The following OR9Q1 variants were observed in gnomAD, a reference collection of about 807,000 sequenced individuals.
OR9Q1 encodes the protein olfactory receptor family 9 subfamily Q member 1.
For missense variants in OR9Q1, 374 were observed against 378.8 expected, an observed-to-expected ratio of 0.99 and a Z score of 0.11; for synonymous variants, 153 against 148.6, an observed-to-expected ratio of 1.03 and a Z score of -0.22.
intron 2 of OR9Q1, among the ~76,000 whole-genome samples, chr11:58,111,118 A>G (rs1853895339): frequency 6.6e-6 from 1 of 152,168 alleles, no homozygotes; most frequent in African/African-American, 2.4e-5. Flanking sequence ...CTAATAATTA[A>G]CAACTCCACT....
At chr11:58,148,855 G>A (rs1854323954) in intron 2 of OR9Q1, among the ~76,000 whole-genome samples, 1 of 152,194 alleles carries the variant, frequency 6.6e-6, no homozygotes, top group Non-Finnish European at 1.5e-5. Context: ...CTTCCCTGTA[G>A]CGGATCTGCG....
chr11:58,127,197 G>A (rs1432762422), intron 2 of OR9Q1, among the ~76,000 whole-genome samples: 1 of 152,100 alleles, frequency 6.6e-6, no homozygotes, highest in Non-Finnish European at 1.5e-5. Context: ...TGATCTGCCC[G>A]CCTCGGCCTC....
intron 1 of OR9Q1, chr11:58,031,614 C>T: frequency 6.2e-7 from 1 of 1,612,568 alleles, no homozygotes; most frequent in Non-Finnish European, 8.5e-7. Flanking sequence ...ATTGCTGTGT[C>T]CTATGGCAAC....
intron 1 of OR9Q1, among the ~76,000 whole-genome samples, chr11:58,055,092 A>G (rs1033098723): frequency 1.3e-5 from 2 of 152,200 alleles, no homozygotes; most frequent in African/African-American, 2.4e-5. Flanking sequence ...TCCTGGTGAC[A>G]TTCCTCACTC....
At chr11:58,115,519 AAT>A (rs1262682385) in intron 2 of OR9Q1, among the ~76,000 whole-genome samples, 1 of 152,216 alleles carries the variant, frequency 6.6e-6, no homozygotes, top group African/African-American at 2.4e-5. Flanking sequence ...GTCAATTAAA[AAT>A]AAAGAAAAGG....
chr11:58,178,078 A>G (rs1854622310), intron 2 of OR9Q1, among the ~76,000 whole-genome samples: 2 of 152,200 alleles, frequency 1.3e-5, no homozygotes, highest in African/African-American at 4.8e-5. Flanking sequence ...GAGAAGCGTG[A>G]GAGGGTGAAG....
In OR9Q1 at chr11:58,180,180, G is replaced by A. The variant is rs752619400; in HGVS notation, c.736G>A (p.Ala246Thr). 2 of 1,613,850 alleles carry A rather than the reference G, an allele frequency of 1.2e-6. No homozygotes were observed. Among genetic ancestry groups the A allele is most frequent in the Admixed American group, 1.7e-5 (1 of 59,990 alleles). ...TFSTCTSHLT[A>T]VSLFFGTLIF... is the part of the protein sequence containing the mutation. The stretch of plus-strand genomic sequence containing the variant: ...CTCCACCTGCACCTCCCACCTCACT[G>A]CTGTGTCACTCTTCTTTGGTACCCT... The change falls in exon 3 of 3, where the codon GCT becomes ACT. Residue 246 changes from alanine to threonine, a missense_variant. Ala to Thr is a moderately conservative substitution (Grantham distance 58). Coordinates refer to ENST00000335397, the MANE Select transcript of OR9Q1 (RefSeq NM_001005212.4).
intron 2 of OR9Q1, among the ~76,000 whole-genome samples, chr11:58,168,666 A>G (rs1854527934): frequency 6.6e-6 from 1 of 150,712 alleles, no homozygotes; most frequent in Admixed American, 6.6e-5. Flanking sequence ...GCAAGAATCC[A>G]CCTCCTGGTT....
chr11:58,152,268 T>G (rs1184548299), intron 2 of OR9Q1, among the ~76,000 whole-genome samples: 1 of 152,212 alleles, frequency 6.6e-6, no homozygotes, highest in Non-Finnish European at 1.5e-5. Context: ...TATTTTATTT[T>G]AAAGCTTTAT....
At chr11:58,046,945 T>A (rs1305920236) in intron 1 of OR9Q1, among the ~76,000 whole-genome samples, 2 of 152,166 alleles carry the variant, frequency 1.3e-5, no homozygotes, top group Non-Finnish European at 2.9e-5. Flanking sequence ...TGGGATTCCA[T>A]GGGTTATTTT....
intron 2 of OR9Q1, among the ~76,000 whole-genome samples, chr11:58,067,176 C>T (rs1162059009): frequency 5.9e-5 from 9 of 152,144 alleles, no homozygotes; most frequent in African/African-American, 9.6e-5. Flanking sequence ...GGACTACAGG[C>T]GCCTGCCACC....
chr11:58,069,761 C>CG (rs1853468049), intron 2 of OR9Q1, among the ~76,000 whole-genome samples: 1 of 151,254 alleles, frequency 6.6e-6, no homozygotes, highest in Admixed American at 6.6e-5. Context: ...GTCCTAGCTA[C>CG]GGGGGAAGCT....
chr11:58,061,268 A>G (rs1045849983), intron 2 of OR9Q1, among the ~76,000 whole-genome samples: 7 of 152,140 alleles, frequency 4.6e-5, no homozygotes, highest in Non-Finnish European at 1.0e-4. Context: ...ATTGGGCAAA[A>G]TTACACAGAG....
chr11:58,113,325 G>A (rs1032754392), intron 2 of OR9Q1, among the ~76,000 whole-genome samples: 2 of 152,104 alleles, frequency 1.3e-5, no homozygotes, highest in South Asian at 2.1e-4. Context: ...ATCTTGATGG[G>A]ACCTCAACAC....
chr11:58,158,928 G>T (rs1854433586), intron 2 of OR9Q1, among the ~76,000 whole-genome samples: 1 of 152,200 alleles, frequency 6.6e-6, no homozygotes, highest in Admixed American at 6.5e-5. Flanking sequence ...CACTCCCTAG[G>T]TTCCTGATAG....
At chr11:58,077,577 A>G (rs767964926) in intron 2 of OR9Q1, 1 of 152,174 alleles carries the variant, frequency 6.6e-6, no homozygotes, top group Non-Finnish European at 1.5e-5. Flanking sequence ...TGGATGGATA[A>G]AATTATTGGC....
chr11:58,107,781 G>T (rs550208887), intron 2 of OR9Q1, among the ~76,000 whole-genome samples: 1 of 152,226 alleles, frequency 6.6e-6, no homozygotes, highest in South Asian at 2.1e-4. Flanking sequence ...TAAATGTATA[G>T]TAGTTTTCAG....
In OR9Q1 at chr11:58,036,411, C is replaced by G. The variant is rs150741877; in HGVS notation, c.-93+12307C>G. On this transcript the variant is annotated intron_variant, in intron 1 of 2. Coordinates refer to ENST00000335397, the MANE Select transcript of OR9Q1 (RefSeq NM_001005212.4). ...GAGATTCATGTTGTTTTCATACCTC[C>G]TAACATAACATCCATTCCATAGCCC... Among the ~76,000 whole-genome samples the G allele has an allele frequency of 9.2e-5, 14 of 152,310 alleles. No homozygotes were observed. The East Asian group carries it at 2.5e-3, about 27-fold the overall frequency.
intron 1 of OR9Q1, among the ~76,000 whole-genome samples, chr11:58,043,219 G>A (rs1442421287): frequency 6.6e-6 from 1 of 152,116 alleles, no homozygotes; most frequent in African/African-American, 2.4e-5. Context: ...TTCAGCACCT[G>A]GTGGTTCCTT....
Sources: allele counts gnomAD v4.1 joint callset (sites outside exome capture counted in the v4.1 genomes callset), GRCh38; gene constraint gnomAD v4.1.1; transcripts MANE v1.5; gene names NCBI Gene and HGNC (gene_info 2026-07-23, HGNC 2026-07-21).